Variants in UPK1B observed in about 807,000 individuals in gnomAD.
The protein encoded by UPK1B is uroplakin-1b.
In UPK1B, 28 loss-of-function variants were observed where a neutral mutation model predicts 34.2. That is an observed-to-expected ratio of 0.82 (90% CI 0.61 to 1.12). UPK1B has a LOEUF of 1.12. Ranked by LOEUF, UPK1B falls within the 50% of genes most tolerant of loss-of-function variation. The probability of loss-of-function intolerance (pLI) is 0.00; values close to 1 mark genes in which losing one functional copy is unlikely to be tolerated. For missense variants in UPK1B, 325 were observed against 320.9 expected (o/e 1.01, Z -0.10); for synonymous variants, 81 against 110.4 (o/e 0.73, Z 1.67).
At position 119,186,752 on chromosome 3, in the gene UPK1B, ACAACT is replaced by A. The variant is rs1269182181; in HGVS notation, c.17_21del (p.Ser6CysfsTer32). The A allele has an allele frequency of 6.2e-7, 1 of 1,614,114 alleles. No individual in the cohort carries two copies. ...TGGGAAATCCCGAAGATGGCCAAAG[ACAACT>A]CAACTGTTCGTTGCTTCCAGGGCCT... On this transcript the variant is annotated frameshift_variant, in exon 2 of 8. Coordinates refer to ENST00000264234, the MANE Select transcript of UPK1B (RefSeq NM_006952.4). LOFTEE classifies it high-confidence loss of function.
intron 5 of UPK1B, 39 bp downstream of exon 5, chr3:119,191,143 A>G: frequency 6.2e-7 from 1 of 1,609,280 alleles, no homozygotes; most frequent in Non-Finnish European, 8.5e-7. Context: ...ATTTTTACTT[A>G]CTGGTGGGAG....
At chr3:119,184,442 A>G (rs2078006442) in intron 1 of UPK1B, among the ~76,000 whole-genome samples, 1 of 151,880 alleles carries the variant, frequency 6.6e-6, no homozygotes, top group South Asian at 2.1e-4. Context: ...CCTTGAGGCC[A>G]GGCGCAGTGG....
At chr3:119,184,088 T>C (rs1323308729) in intron 1 of UPK1B, among the ~76,000 whole-genome samples, 1 of 152,204 alleles carries the variant, frequency 6.6e-6, no homozygotes, top group East Asian at 1.9e-4. Context: ...AATTTATGCT[T>C]TTCTTTTTGC....
intron 1 of UPK1B, among the ~76,000 whole-genome samples, chr3:119,178,396 T>A (rs1265225628): frequency 6.6e-6 from 1 of 152,066 alleles, no homozygotes; most frequent in Non-Finnish European, 1.5e-5. Flanking sequence ...GCAGAGGGAA[T>A]GACCGAGGGC....
chr3:119,200,583 T>G (rs548081724), intron 7 of UPK1B, among the ~76,000 whole-genome samples: 96 of 152,258 alleles, frequency 6.3e-4, no homozygotes, highest in Non-Finnish European at 1.2e-3. Context: ...GTATGCAATA[T>G]CCAGAAAATC....
intron 7 of UPK1B, 102 bp downstream of exon 7, chr3:119,199,242 A>G: frequency 7.4e-7 from 1 of 1,343,966 alleles, no homozygotes; most frequent in Non-Finnish European, 1.0e-6. Flanking sequence ...GTCTAGAAAC[A>G]AAACCTCAGG....
intron 1 of UPK1B, among the ~76,000 whole-genome samples, chr3:119,179,321 T>TGAGAGA (rs535882241): frequency 1.8e-5 from 2 of 108,738 alleles, no homozygotes; most frequent in Non-Finnish European, 3.8e-5. Flanking sequence ...AAGACCCTGT[T>TGAGAGA]GAGAGAGAGA....
intron 5 of UPK1B, 67 bp from the exon 6 acceptor site, chr3:119,194,152 A>G: frequency 1.4e-6 from 2 of 1,423,828 alleles, no homozygotes; most frequent in South Asian, 1.5e-5. Context: ...ATAAAATTTC[A>G]GTTGCTACAT....
chr3:119,190,193 C>T (rs1553742506), intron 3 of UPK1B, 52 bp from the exon 4 acceptor site: 5 of 1,365,220 alleles, frequency 3.7e-6, no homozygotes, highest in Middle Eastern at 1.9e-4. Context: ...TTGGGCAAGT[C>T]GCTCTTTGAC....
At chr3:119,191,639 G>A (rs2078045582) in intron 5 of UPK1B, among the ~76,000 whole-genome samples, 1 of 152,064 alleles carries the variant, frequency 6.6e-6, no homozygotes, top group Non-Finnish European at 1.5e-5. Context: ...TTTACAGTCT[G>A]TCATCAGCAA....
intron 2 of UPK1B, among the ~76,000 whole-genome samples, chr3:119,187,244 G>A (rs893978932): frequency 3.3e-5 from 5 of 151,590 alleles, no homozygotes; most frequent in African/African-American, 1.2e-4. Flanking sequence ...TACTGTGTGG[G>A]TCTGGTGGCA....
chr3:119,177,186 G>C (rs1022263349), intron 1 of UPK1B, among the ~76,000 whole-genome samples: 2 of 152,194 alleles, frequency 1.3e-5, no homozygotes, highest in African/African-American at 4.8e-5. Flanking sequence ...GGAAGCCTTT[G>C]AATGAAGGAA....
Position 119,199,134 on chromosome 3 carries a change from C to T in UPK1B, c.726C>T (p.Cys242=). The change falls in exon 7 of 8, where the codon TGC becomes TGT. Residue 242 remains cysteine, a synonymous_variant. Transcript: ENST00000264234. ...CCTGGTTTGGATTTGCCATTCTCTGCTGGACTGTGAGTATTTCCCAGCACA... is the reference window on the plus strand; with the variant it reads ...CCTGGTTTGGATTTGCCATTCTCTGTTGGACTGTGAGTATTTCCCAGCACA... ...GVAWFGFAIL[C]WTFWVLLGTM... is the part of the protein sequence containing the mutation. 19 of 1,614,128 alleles carry T rather than the reference C, an allele frequency of 1.2e-5. No homozygotes were observed. Among genetic ancestry groups the T allele is most frequent in the Non-Finnish European group, 1.5e-5 (18 of 1,179,966 alleles).
At chr3:119,182,041 C>A (rs1035522573) in intron 1 of UPK1B, among the ~76,000 whole-genome samples, 1 of 152,206 alleles carries the variant, frequency 6.6e-6, no homozygotes, top group Non-Finnish European at 1.5e-5. Flanking sequence ...GGCCCAATGG[C>A]GAGTGTTAAC....
At chr3:119,201,215 T>C (rs1427310269) in intron 7 of UPK1B, among the ~76,000 whole-genome samples, 2 of 152,228 alleles carry the variant, frequency 1.3e-5, no homozygotes, top group Non-Finnish European at 2.9e-5. Flanking sequence ...TTCTCATTGT[T>C]ATTCAGATAG....
chr3:119,188,350 C>G (rs4687979), intron 3 of UPK1B, among the ~76,000 whole-genome samples: 150,844 of 152,366 alleles, frequency 0.99, 74,689 homozygotes, highest in Middle Eastern at 1. Context: ...TTGGCAATAA[C>G]TTGTTTAAAA....
At chr3:119,183,258 TC>T (rs201941245) in intron 1 of UPK1B, among the ~76,000 whole-genome samples, 1 of 148,440 alleles carries the variant, frequency 6.7e-6, no homozygotes, top group Non-Finnish European at 1.5e-5. Context: ...TCTCCAAGCT[TC>T]CCTTTTTTTT....
intron 1 of UPK1B, among the ~76,000 whole-genome samples, chr3:119,176,347 G>T (rs2077956573): frequency 6.6e-6 from 1 of 152,114 alleles, no homozygotes; most frequent in African/African-American, 2.4e-5. Flanking sequence ...TTGCAAATTG[G>T]TTTGTTTAGT....
Position 119,199,099 on chromosome 3 carries a change from TGG to T in UPK1B, c.696_697del (p.Val233CysfsTer26). 1 of 1,614,148 alleles carries T rather than the reference TGG, an allele frequency of 6.2e-7. No homozygotes were observed. Among genetic ancestry groups the T allele is most frequent in the Non-Finnish European group, 8.5e-7 (1 of 1,180,014 alleles). On this transcript the variant is annotated frameshift_variant, in exon 7 of 8. Coordinates refer to ENST00000264234, the MANE Select transcript of UPK1B (RefSeq NM_006952.4). LOFTEE classifies it high-confidence loss of function. ...CTCTGGTCCAATGAACCGACACGCC[TGG>T]GGGGTTGCCTGGTTTGGATTTGCCA... ...LISGPMNRHA[W>X]GVAWFGFAIL...
Sources: allele counts gnomAD v4.1 joint callset (sites outside exome capture counted in the v4.1 genomes callset), GRCh38; gene constraint gnomAD v4.1.1; transcripts MANE v1.5; gene names NCBI Gene and HGNC (gene_info 2026-07-23, HGNC 2026-07-21).